PSD3: variants seen among roughly 807,000 people sequenced by gnomAD.
The protein encoded by PSD3 is pleckstrin and Sec7 domain containing 3.
A neutral mutation model predicts 105.5 loss-of-function variants in PSD3; 49 were observed. That is an observed-to-expected ratio of 0.46 (90% CI 0.37 to 0.59). PSD3 has a LOEUF of 0.59. Ranked by LOEUF, PSD3 falls within the 20% of genes least tolerant of loss-of-function variation. The pLI, the probability that PSD3 is intolerant of heterozygous loss-of-function variation, is 0.00. For synonymous variants in PSD3, 557 were observed against 457.8 expected (o/e 1.22, Z -2.77); for missense variants, 1,561 against 1,263.8 (o/e 1.24, Z -3.57).
chr8:18,975,322 T>TC (rs1563479179), intron 1 of PSD3, among the ~76,000 whole-genome samples: 1 of 121,652 alleles, frequency 8.2e-6, no homozygotes, highest in African/African-American at 2.6e-5. Context: ...AAATTTTTTT[T>TC]TTTTTTTTTT....
At chr8:18,801,509 C>T (rs1386690) in intron 6 of PSD3, 127 bp from the exon 7 acceptor site, 504,769 of 563,504 alleles carry the variant, frequency 0.9, 226,850 homozygotes, top group Non-Finnish European at 0.92. Flanking sequence ...ATGAAGTTAT[C>T]TCCCCCCAAA....
chr8:18,543,753 G>C (rs1563305995), intron 15 of PSD3, among the ~76,000 whole-genome samples: 2 of 152,022 alleles, frequency 1.3e-5, no homozygotes, highest in Non-Finnish European at 2.9e-5. Context: ...CTGCTACTTG[G>C]GTTGAATGTT....
chr8:18,591,504 C>G (rs1803603636), intron 12 of PSD3, among the ~76,000 whole-genome samples: 3 of 152,188 alleles, frequency 2.0e-5, no homozygotes, highest in South Asian at 4.1e-4. Context: ...GAGTGTGTGG[C>G]CCTCATTTCA....
chr8:18,821,684 A>AGCACACACACAC, intron 4 of PSD3, among the ~76,000 whole-genome samples: 1 of 131,398 alleles, frequency 7.6e-6, no homozygotes, highest in Non-Finnish European at 1.6e-5. Flanking sequence ...TGACCCCCAC[A>AGCACACACACAC]ACACACACAC....
chr8:18,965,735 G>C (rs1484540367), intron 1 of PSD3, among the ~76,000 whole-genome samples: 10 of 152,200 alleles, frequency 6.6e-5, no homozygotes, highest in African/African-American at 2.2e-4. Flanking sequence ...AACATGTGAA[G>C]CCAACAGGCC....
intron 10 of PSD3, among the ~76,000 whole-genome samples, chr8:18,647,477 G>A (rs879697040): frequency 1.3e-5 from 2 of 152,186 alleles, no homozygotes; most frequent in Non-Finnish European, 2.9e-5. Flanking sequence ...ATGCAAAGTT[G>A]TAAAATGCTT....
chr8:18,987,612 G>C (rs940864859), intron 1 of PSD3, among the ~76,000 whole-genome samples: 1 of 151,906 alleles, frequency 6.6e-6, no homozygotes, highest in African/African-American at 2.4e-5. Context: ...GAAGCCAGGA[G>C]TTCAAGACCA....
At chr8:19,032,758 T>C (rs1458114802) in intron 1 of PSD3, among the ~76,000 whole-genome samples, 1 of 151,316 alleles carries the variant, frequency 6.6e-6, no homozygotes, top group Non-Finnish European at 1.5e-5. Context: ...CCAAAGAAAA[T>C]ATTAGTAACT....
intron 12 of PSD3, among the ~76,000 whole-genome samples, chr8:18,599,678 C>T (rs1158694786): frequency 6.6e-6 from 1 of 152,056 alleles, no homozygotes; most frequent in African/African-American, 2.4e-5. Context: ...TGTTTTCCAT[C>T]AAATGAGGAC....
At chr8:18,887,622 G>A (rs1046876775) in intron 2 of PSD3, among the ~76,000 whole-genome samples, 3 of 152,090 alleles carry the variant, frequency 2.0e-5, no homozygotes, top group African/African-American at 7.2e-5. Context: ...TAGTGATAAT[G>A]GCTATTAATA....
chr8:18,852,507 T>A (rs560161020), intron 4 of PSD3, among the ~76,000 whole-genome samples: 1 of 152,340 alleles, frequency 6.6e-6, no homozygotes, highest in Non-Finnish European at 1.5e-5. Context: ...GTGTACACAA[T>A]GCTGCTCCCC....
chr8:18,851,449 AG>A (rs1735879676), intron 4 of PSD3, among the ~76,000 whole-genome samples: 1 of 152,252 alleles, frequency 6.6e-6, no homozygotes, highest in Non-Finnish European at 1.5e-5. Flanking sequence ...AACCCAAAGC[AG>A]GCTCTGTCTC....
At position 18,737,851 on chromosome 8, in the gene PSD3, G is replaced by C. The variant is rs991542196; in HGVS notation, c.2172+27598C>G. 3.9e-5 allele frequency among the ~76,000 whole-genome samples: 6 copies of C among 152,134 alleles called. No individual in the cohort carries two copies. In the South Asian group the frequency reaches 1.2e-3, roughly 32 times the overall value. ...GGGGTTTACTTCTAACTTTGATTTT[G>C]ACCTACTTGAGCCTGATTTCCTATT... On this transcript the variant is annotated intron_variant, in intron 9 of 15. Transcript: ENST00000327040.
At chr8:18,590,495 G>A (rs1450256927) in intron 12 of PSD3, among the ~76,000 whole-genome samples, 1 of 152,130 alleles carries the variant, frequency 6.6e-6, no homozygotes, top group African/African-American at 2.4e-5. Context: ...ATAATACACT[G>A]AAAACAGACA....
chr8:18,851,287 T>A (rs1586222208), intron 4 of PSD3, among the ~76,000 whole-genome samples: 1 of 152,318 alleles, frequency 6.6e-6, no homozygotes, highest in Non-Finnish European at 1.5e-5. Context: ...GGCCGGAAGT[T>A]GAGCCTACAT....
At chr8:18,593,826 G>C (rs966097697) in intron 12 of PSD3, among the ~76,000 whole-genome samples, 4 of 151,574 alleles carry the variant, frequency 2.6e-5, no homozygotes, top group African/African-American at 9.7e-5. Flanking sequence ...CCTTTGTAGG[G>C]ACATGGATGA....
At chr8:18,723,073 A>T (rs1429629793) in intron 9 of PSD3, among the ~76,000 whole-genome samples, 1 of 152,210 alleles carries the variant, frequency 6.6e-6, no homozygotes, top group East Asian at 1.9e-4. Flanking sequence ...CTTGAGAAAA[A>T]CAAAGAAACA....
At chr8:18,920,397 T>C (rs1243028975) in intron 2 of PSD3, among the ~76,000 whole-genome samples, 1 of 152,174 alleles carries the variant, frequency 6.6e-6, no homozygotes, top group Non-Finnish European at 1.5e-5. Flanking sequence ...CACTTGCTTG[T>C]ACCTAAAGGA....
At chr8:18,934,253 AAAAAT>A (rs1256897916) in intron 2 of PSD3, among the ~76,000 whole-genome samples, 1 of 152,216 alleles carries the variant, frequency 6.6e-6, no homozygotes, top group Non-Finnish European at 1.5e-5. Context: ...TTCCCAAAAC[AAAAAT>A]AAGTATCAGA....
Sources: gnomAD v4.1 joint callset for allele counts (sites outside exome capture counted in the v4.1 genomes callset) on GRCh38, gnomAD v4.1.1 for gene constraint, MANE v1.5 for transcripts, NCBI Gene and HGNC (gene_info 2026-07-23, HGNC 2026-07-21) for gene names.